Variants in NSFL1C observed in about 807,000 individuals in gnomAD.
NSFL1C encodes NSFL1 cofactor p47.
NSFL1C carries 14 observed loss-of-function variants against 43.1 expected under a neutral mutation model. The ratio of observed to expected loss-of-function variants is 0.32; its 90% confidence interval spans 0.21 to 0.51. The LOEUF is 0.51. Among genes scored for constraint, NSFL1C ranks in the 20% least tolerant of loss-of-function variants. The pLI, the probability that NSFL1C is intolerant of heterozygous loss-of-function variation, is 0.98. For synonymous variants in NSFL1C, 171 were observed against 183.5 expected (o/e 0.93, Z 0.55); for missense variants, 406 against 472.5 (o/e 0.86, Z 1.30).
intron 2 of NSFL1C, among the ~76,000 whole-genome samples, chr20:1,460,809 C>T (rs1407477059): frequency 6.6e-6 from 1 of 152,128 alleles, no homozygotes; most frequent in Non-Finnish European, 1.5e-5. Flanking sequence ...CTTGTTGGAT[C>T]GTGTAATTTT....
chr20:1,465,176 C>T (rs2024799), intron 1 of NSFL1C, among the ~76,000 whole-genome samples: 140,354 of 152,326 alleles, frequency 0.92, 64,734 homozygotes, highest in East Asian at 0.98. Context: ...GACAGGCATT[C>T]ACTAATCACT....
Position 1,454,581 on chromosome 20 carries a change from C to T in NSFL1C, c.445-276G>A, listed in dbSNP as rs113548624. Reference sequence around the variant, plus strand: ...CAGATGCTACTAAACTCTCATTAACCGTGACCATGTAGGAATTTGGGTACA... The same window carrying T: ...CAGATGCTACTAAACTCTCATTAACTGTGACCATGTAGGAATTTGGGTACA... On this transcript the variant is annotated intron_variant, in intron 4 of 8. Transcript: ENST00000216879. Among the ~76,000 whole-genome samples, 291 of 152,286 alleles carry T rather than the reference C, an allele frequency of 1.9e-3. 1 individual carries two copies. Among genetic ancestry groups the T allele is most frequent in the African/African-American group, 6.7e-3 (277 of 41,558 alleles).
chr20:1,459,636 T>G (rs2090371203), intron 2 of NSFL1C, among the ~76,000 whole-genome samples: 1 of 152,186 alleles, frequency 6.6e-6, no homozygotes, highest in South Asian at 2.1e-4. Context: ...TGAGGATCCA[T>G]CAACTAGAAG....
rs149644870 is a variant in NSFL1C at position 1,445,786 on chromosome 20, G to A, written c.830C>T (p.Ala277Val). The A allele has an allele frequency of 6.2e-7, 1 of 1,614,046 alleles. No individual in the cohort carries two copies. The highest frequency in any genetic ancestry group is 2.2e-5 in the East Asian group (1 of 44,854). ...AGAGCTGGCTTTGGCTTCATTTTCT[G>A]CCTGTTGGGCTGGAGAGCTGGTACT... The part of the protein sequence containing the change: ...VLSTSSPAQQ[A>V]ENEAKASSSI... The change falls in exon 8 of 9, where the codon GCA becomes GTA. Residue 277 changes from alanine (A) to valine (V), a missense_variant. Physicochemically the swap from Ala to Val is moderately conservative, Grantham distance 64 (BLOSUM62 0). Coordinates refer to ENST00000216879, the MANE Select transcript of NSFL1C (RefSeq NM_016143.5).
chr20:1,466,650 G>T, intron 1 of NSFL1C, 70 bp downstream of exon 1: 1 of 1,422,808 alleles, frequency 7.0e-7, no homozygotes, highest in Non-Finnish European at 9.5e-7. Flanking sequence ...GCCGCCGCGG[G>T]CTTAAGGCAC....
At chr20:1,445,990 C>T (rs1234785724) in intron 7 of NSFL1C, 160 bp from the exon 8 acceptor site, 1 of 703,082 alleles carries the variant, frequency 1.4e-6, no homozygotes, top group Non-Finnish European at 2.4e-6. Flanking sequence ...CCTTATGGAA[C>T]TTACAGGTCC....
intron 8 of NSFL1C, among the ~76,000 whole-genome samples, chr20:1,444,933 G>A (rs889219029): frequency 2.0e-5 from 3 of 152,202 alleles, no homozygotes; most frequent in Admixed American, 6.5e-5. Flanking sequence ...ACCCACAGGC[G>A]AGCCCAGTCA....
chr20:1,445,305 C>A (rs928796318), intron 8 of NSFL1C, among the ~76,000 whole-genome samples: 8 of 152,152 alleles, frequency 5.3e-5, no homozygotes, highest in African/African-American at 1.7e-4. Flanking sequence ...ACACTGCACC[C>A]CCTTCTCCTC....
chr20:1,457,142 T>C (rs371011888), intron 3 of NSFL1C: 2 of 152,192 alleles, frequency 1.3e-5, no homozygotes, highest in Non-Finnish European at 2.9e-5. Context: ...TACATGTCTA[T>C]TGGGGGAAAT....
At chr20:1,446,031 T>C (rs1439497038) in intron 7 of NSFL1C, 2 of 611,292 alleles carry the variant, frequency 3.3e-6, no homozygotes, top group East Asian at 2.8e-5. Flanking sequence ...CTGAGTCATA[T>C]ATTTCATACG....
chr20:1,447,616 T>G (rs2090089252), intron 7 of NSFL1C, among the ~76,000 whole-genome samples: 2 of 152,182 alleles, frequency 1.3e-5, no homozygotes, highest in African/African-American at 2.4e-5. Flanking sequence ...CCAATTAGAC[T>G]TTAGGCAGCC....
intron 7 of NSFL1C, among the ~76,000 whole-genome samples, chr20:1,450,333 A>G (rs1440849380): frequency 6.6e-6 from 1 of 152,082 alleles, no homozygotes; most frequent in East Asian, 1.9e-4. Context: ...ACTTTATAAA[A>G]CTGTGGCTGT....
At position 1,464,381 on chromosome 20, in the gene NSFL1C, CAAT is replaced by C; in HGVS notation, c.148_150del (p.Ile50del). 3 of 1,614,274 alleles carry C rather than the reference CAAT, an allele frequency of 1.9e-6. No homozygotes were observed. The highest frequency in any genetic ancestry group is 2.5e-6 in the Non-Finnish European group (3 of 1,180,048). On this transcript the variant is annotated inframe_deletion, in exon 2 of 9. Transcript: ENST00000216879. ...CTGGGGGTTGCCTGCGAAATGGTCA[CAAT>C]GTCTTCATCCCCTCCGTCCTCATAA... is the stretch of plus-strand genomic sequence containing the variant.
rs1255356860 is a variant in NSFL1C, at chr20:1,442,454, T to C, written c.*1295A>G. ...GAAGCAGGAAAGAGAAAGAGACTGG[T>C]GAGGCCTGCTTGGAAAGAGGATTGA... is the stretch of plus-strand genomic sequence containing the variant. On this transcript the variant is annotated 3_prime_UTR_variant, in exon 9 of 9. Coordinates refer to ENST00000216879, the MANE Select transcript of NSFL1C (RefSeq NM_016143.5). 1.3e-5 allele frequency: 2 copies of C among 152,240 alleles called. No homozygotes were observed. The highest frequency in any genetic ancestry group is 4.8e-5 in the African/African-American group (2 of 41,438). The allele number at this position is 152,240 out of a possible 1,614,324, so 9.4% of individuals were successfully genotyped here. A position where few individuals can be genotyped will look rare whatever the true frequency, so the allele number is the denominator to read the frequency against.
chr20:1,459,535 T>C (rs988146689), intron 2 of NSFL1C, among the ~76,000 whole-genome samples: 1 of 152,192 alleles, frequency 6.6e-6, no homozygotes, highest in African/African-American at 2.4e-5. Flanking sequence ...ACAGGTTTAG[T>C]GAGGCTTTAA....
rs744805 is a variant in NSFL1C, at chr20:1,458,388, G to A, written c.204-114C>T. The A allele has an allele frequency of 5.4e-4, 418 of 779,712 alleles. 1 individual carries two copies. In the African/African-American group the frequency reaches 6.4e-3, roughly 12 times the overall value. The allele number at this position is 779,712 out of a possible 1,614,324, so 48.3% of individuals were successfully genotyped here. On this transcript the variant is annotated intron_variant, in intron 2 of 8. Transcript: ENST00000216879. ...AGGTTACATTTTTGGTAGGCGAGAGGAGGACGTTATGTGGAGAAAGGTTAA... is the reference window on the plus strand; with the variant it reads ...AGGTTACATTTTTGGTAGGCGAGAGAAGGACGTTATGTGGAGAAAGGTTAA...
chr20:1,454,104 A>T, intron 5 of NSFL1C, 109 bp downstream of exon 5: 1 of 821,590 alleles, frequency 1.2e-6, no homozygotes, highest in Non-Finnish European at 2.0e-6. Context: ...TGTCTCTGTT[A>T]GTTTCCCTTT....
chr20:1,449,237 GACTA>G (rs140584531), intron 7 of NSFL1C, among the ~76,000 whole-genome samples: 2,972 of 152,168 alleles, frequency 0.02, 93 homozygotes, highest in African/African-American at 0.068. Flanking sequence ...TAAAACACTC[GACTA>G]ACTAATTATA....
At chr20:1,447,221 G>A (rs1343965102) in intron 7 of NSFL1C, among the ~76,000 whole-genome samples, 1 of 152,108 alleles carries the variant, frequency 6.6e-6, no homozygotes, top group Non-Finnish European at 1.5e-5. Flanking sequence ...AAAAGTGTGG[G>A]CTGGGACACA....
Sources: gnomAD v4.1 joint callset for allele counts (sites outside exome capture counted in the v4.1 genomes callset) on GRCh38, gnomAD v4.1.1 for gene constraint, MANE v1.5 for transcripts, NCBI Gene and HGNC (gene_info 2026-07-23, HGNC 2026-07-21) for gene names.